Variants in GRIP2 observed in about 807,000 individuals in gnomAD.
GRIP2 encodes the protein glutamate receptor-interacting protein 2.
GRIP2 carries 58 observed loss-of-function variants against 108.3 expected under a neutral mutation model. The ratio of observed to expected loss-of-function variants is 0.54; its 90% CI spans 0.43 to 0.67. GRIP2 has a LOEUF of 0.67. GRIP2 is among the 30% of genes least tolerant of loss of function. The probability of loss-of-function intolerance (pLI) is 0.00; values close to 1 mark genes in which losing one functional copy is unlikely to be tolerated. For missense variants in GRIP2, 1,278 were observed against 1,430.6 expected (o/e 0.89, Z 1.72); for synonymous variants, 586 against 598.2 (o/e 0.98, Z 0.30).
At chr3:14,573,456 T>C in the GRIP2 span, 13 of 1,521,614 alleles carry the variant, frequency 8.5e-6, no homozygotes, top group Non-Finnish European at 1.2e-5. Context: ...CCACAGGCGG[T>C]AGAACTGGTC....
chr3:14,582,959 G>C, the GRIP2 span, among the ~76,000 whole-genome samples: 1 of 152,246 alleles, frequency 6.6e-6, no homozygotes, highest in Non-Finnish European at 1.5e-5. Context: ...GTAAACATTT[G>C]TTGAGTGAAT....
chr3:14,511,184 C>T lies in GRIP2; in HGVS notation c.1914G>A (p.Arg638=), dbSNP rs763786003. ...CCATACCAGAGTTGTCCTCGTCCTT[C>T]CGGATCTTCAGCTTCACCAGGTCCT... The part of the protein sequence containing the change: ...QCEDLVKLKI[R]KDEDNSDELE... The change falls in exon 16 of 24, where the codon CGG becomes CGA. Residue 638 remains arginine, a synonymous_variant. Coordinates refer to ENST00000621039, the MANE Select transcript of GRIP2 (RefSeq NM_001080423.4). The surrounding 1 kb of genome is among the most constrained non-coding windows in gnomAD (Gnocchi z 4.1). 4.3e-6 allele frequency: 7 copies of T among 1,613,990 alleles called. No homozygotes were observed. In the Admixed American group the frequency reaches 1.2e-4, roughly 27 times the overall value.
intron 1 of GRIP2, among the ~76,000 whole-genome samples, chr3:14,554,472 G>A (rs1205226717): frequency 6.6e-6 from 1 of 152,066 alleles, no homozygotes; most frequent in Non-Finnish European, 1.5e-5. Flanking sequence ...TCTCCTGCGG[G>A]GGTGGTCTCA....
chr3:14,602,916 G>A, the GRIP2 span, among the ~76,000 whole-genome samples: 7 of 150,436 alleles, frequency 4.7e-5, no homozygotes, highest in Admixed American at 2.6e-4. The surrounding 1 kb of genome is among the most constrained non-coding windows in gnomAD (Gnocchi z 4.7). Flanking sequence ...CCGGGCAGCG[G>A]CCGCGTCTTA....
chr3:14,547,420 C>G (rs1433178015), intron 1 of GRIP2, among the ~76,000 whole-genome samples: 3 of 152,182 alleles, frequency 2.0e-5, no homozygotes, highest in Non-Finnish European at 4.4e-5. Context: ...TATACAGAGC[C>G]AGATCTGGCG....
intron 1 of GRIP2, among the ~76,000 whole-genome samples, chr3:14,552,638 T>C (rs1052286803): frequency 2.0e-5 from 3 of 149,358 alleles, no homozygotes; most frequent in Non-Finnish European, 4.5e-5. Context: ...CTCTCTCTTT[T>C]TTTTTTTTTT....
the GRIP2 span, among the ~76,000 whole-genome samples, chr3:14,601,572 A>G: frequency 6.6e-6 from 1 of 152,182 alleles, no homozygotes; most frequent in African/African-American, 2.4e-5. Flanking sequence ...GGGCACACCT[A>G]TAGGCCCACC....
the GRIP2 span, among the ~76,000 whole-genome samples, chr3:14,567,418 T>C: frequency 6.6e-6 from 1 of 152,208 alleles, no homozygotes; most frequent in East Asian, 1.9e-4. Flanking sequence ...TGGGCTGCAG[T>C]GTCACATGGC....
chr3:14,531,834 A>G (rs1694717486), intron 1 of GRIP2, among the ~76,000 whole-genome samples: 1 of 152,144 alleles, frequency 6.6e-6, no homozygotes, highest in African/African-American at 2.4e-5. Context: ...CTCCTTTCTC[A>G]GTACTGGGCT....
chr3:14,597,566 A>T, the GRIP2 span, among the ~76,000 whole-genome samples: 7,679 of 151,528 alleles, frequency 0.051, 228 homozygotes, highest in African/African-American at 0.064. Context: ...TGGTTTTTTT[A>T]AAAAAAAATT....
chr3:14,552,256 G>A (rs1000721873), intron 1 of GRIP2, among the ~76,000 whole-genome samples: 2 of 152,192 alleles, frequency 1.3e-5, no homozygotes, highest in African/African-American at 2.4e-5. Flanking sequence ...ATGTGGTGGC[G>A]TGTGGGAGGC....
At position 14,520,384 on chromosome 3, in the gene GRIP2, C is replaced by A; in HGVS notation, c.860+6G>T. Reference sequence around the variant, plus strand: ...CCATGGTGGCAGCACCCAGGGTGTGCCTTACCTGTCCACCACGCTGGCTGG... The same window carrying A: ...CCATGGTGGCAGCACCCAGGGTGTGACTTACCTGTCCACCACGCTGGCTGG... On this transcript the variant is annotated splice_donor_region_variant and intron_variant, in intron 8 of 23. Coordinates refer to ENST00000621039, the MANE Select transcript of GRIP2 (RefSeq NM_001080423.4). The A allele has an allele frequency of 6.2e-7, 1 of 1,610,680 alleles. No individual in the cohort carries two copies. Among genetic ancestry groups the A allele is most frequent in the Non-Finnish European group, 8.5e-7 (1 of 1,178,552 alleles).
Position 14,512,965 on chromosome 3 carries a change from A to C in GRIP2, c.1640-108T>G. 1 of 926,776 alleles carries C rather than the reference A, an allele frequency of 1.1e-6. No individual in the cohort carries two copies. 57.4% of individuals were successfully genotyped at this position (926,776 alleles called of 1,614,324 possible). ...TGCTGGGAGTGACCCCGAAAGTCACAGTTCTAATCTCATCCCCCTGCTTCC... is the reference window on the plus strand; with the variant it reads ...TGCTGGGAGTGACCCCGAAAGTCACCGTTCTAATCTCATCCCCCTGCTTCC... On this transcript the variant is annotated intron_variant, in intron 13 of 23. Transcript: ENST00000621039. The surrounding 1 kb of genome is among the most constrained non-coding windows in gnomAD (Gnocchi z 5.1).
At chr3:14,542,182 G>T, upstream of GRIP2, 1 of 677,848 alleles carries the variant, frequency 1.5e-6, no homozygotes, top group Non-Finnish European at 2.1e-6. Flanking sequence ...GTGACACAGC[G>T]TCTCACTCTG....
rs758727550 is a variant in GRIP2, at chr3:14,520,380, T to A, written c.860+10A>T. On this transcript the variant is annotated intron_variant, in intron 8 of 23. Transcript: ENST00000621039. ...ACCTCCATGGTGGCAGCACCCAGGG[T>A]GTGCCTTACCTGTCCACCACGCTGG... 6 of 1,610,320 alleles carry A rather than the reference T, an allele frequency of 3.7e-6. No homozygotes were observed. Among genetic ancestry groups the A allele is most frequent in the Non-Finnish European group, 5.1e-6 (6 of 1,178,448 alleles).
the GRIP2 span, among the ~76,000 whole-genome samples, chr3:14,599,748 T>C: frequency 6.7e-6 from 1 of 149,750 alleles, no homozygotes. Context: ...AGCTGGTCTC[T>C]GCACAATCAG....
intron 23 of GRIP2, among the ~76,000 whole-genome samples, chr3:14,494,068 C>A (rs1028632175): frequency 2.6e-5 from 4 of 152,220 alleles, no homozygotes; most frequent in African/African-American, 9.6e-5. Flanking sequence ...CCCTCTAACT[C>A]TTGCTTTTCT....
chr3:14,496,708 A>G, intron 21 of GRIP2, 148 bp from the exon 22 acceptor site: 2 of 1,075,842 alleles, frequency 1.9e-6, no homozygotes, highest in Admixed American at 6.0e-5. Flanking sequence ...GCTGGGTCCA[A>G]CAGCGGTGGA....
chr3:14,559,658 G>A (rs953529997), upstream of GRIP2, among the ~76,000 whole-genome samples: 1 of 151,620 alleles, frequency 6.6e-6, no homozygotes, highest in African/African-American at 2.4e-5. Context: ...AGCTAATTTG[G>A]GAGGTGGCTC....
Sources: gnomAD v4.1 joint callset for allele counts (sites outside exome capture counted in the v4.1 genomes callset) on GRCh38, gnomAD v4.1.1 for gene constraint, Gnocchi (gnomAD v3.1) non-coding constraint, MANE v1.5 for transcripts, NCBI Gene and HGNC (gene_info 2026-07-23, HGNC 2026-07-21) for gene names.